The following ACOT11 variants were observed in gnomAD, a reference collection of about 807,000 sequenced individuals.
ACOT11 encodes acyl-coenzyme A thioesterase 11.
In ACOT11, 69 loss-of-function variants were observed where a neutral mutation model predicts 77.5. That is an observed-to-expected ratio of 0.89 (90% confidence interval 0.73 to 1.09). The LOEUF (loss-of-function observed/expected upper bound fraction) is 1.09, where lower values mean the gene tolerates loss of function less well. Ranked by LOEUF, ACOT11 falls within the 50% of genes least tolerant of loss-of-function variation. ACOT11 has a pLI of 0.00. For synonymous variants in ACOT11, 279 were observed against 313.0 expected, an observed-to-expected ratio of 0.89 and a Z score of 1.15; for missense variants, 766 against 813.7, an observed-to-expected ratio of 0.94 and a Z score of 0.71.
Position 54,603,820 on chromosome 1 carries a change from A to G in ACOT11, c.1086-51A>G, listed in dbSNP as rs549475380. The G allele has an allele frequency of 3.6e-5, 56 of 1,562,238 alleles. 1 individual carries two copies. In the South Asian group the frequency reaches 5.7e-4, roughly 16 times the overall value. On this transcript the variant is annotated intron_variant, in intron 10 of 15. Transcript: ENST00000343744. ...AGTAGGCCTGCAGTAGAGTCTGTGG[A>G]AAGTGCTGAACTTCCAGGGGACCAA...
chr1:54,575,022 C>T (rs1654057092), intron 1 of ACOT11, among the ~76,000 whole-genome samples: 1 of 152,204 alleles, frequency 6.6e-6, no homozygotes, highest in Admixed American at 6.5e-5. Flanking sequence ...CAATAACTTG[C>T]CCAAAGTCTG....
chr1:54,607,993 G>C lies in ACOT11; in HGVS notation c.1554G>C (p.Glu518Asp). 3 of 1,613,846 alleles carry C rather than the reference G, an allele frequency of 1.9e-6. No individual in the cohort carries two copies. The highest frequency in any genetic ancestry group is 2.5e-6 in the Non-Finnish European group (3 of 1,179,984). Residue 518 changes from glutamate to aspartate, a missense_variant, in exon 15 of 16, where the codon GAG becomes GAC. Glu to Asp is a conservative substitution (Grantham distance 45). Transcript: ENST00000343744. This position sits in a 1 kb window ranked among gnomAD's most constrained non-coding sequence, Gnocchi z 4.5. ...CGGTCACGCTGCCCACACACCGAGA[G>C]ACGCCAGAGTACAGACGCGGAGAGA... The part of the protein sequence containing the change: ...LRSVTLPTHR[E>D]TPEYRRGETL...
At chr1:54,623,350 AC>A in intron 15 of ACOT11, 3 of 1,613,890 alleles carry the variant, frequency 1.9e-6, no homozygotes, top group Non-Finnish European at 2.5e-6. Flanking sequence ...ATGCCGGCAA[AC>A]ACCCACTTGA....
In ACOT11 at chr1:54,594,581, G is replaced by A. The variant is rs1397882472; in HGVS notation, c.497G>A (p.Arg166Gln). ...GTGAAGCTGAAGCAGATCACGCCGC[G>A]GACAGAAGAGGAGAAGATGGAGCAC... ...TKVKLKQITP[R>Q]TEEEKMEHSV... Residue 166 changes from arginine (R) to glutamine (Q), a missense_variant, in exon 6 of 16, where the codon CGG becomes CAG. Coordinates refer to ENST00000343744, the MANE Select transcript of ACOT11 (RefSeq NM_147161.4). The A allele has an allele frequency of 6.8e-6, 11 of 1,613,868 alleles. No homozygotes were observed. Among genetic ancestry groups the A allele is most frequent in the East Asian group, 2.2e-5 (1 of 44,886 alleles).
At chr1:54,590,088 A>G (rs1391942579) in intron 3 of ACOT11, among the ~76,000 whole-genome samples, 1 of 132,404 alleles carries the variant, frequency 7.6e-6, no homozygotes, top group Non-Finnish European at 1.5e-5. Context: ...ACTCTGTCTC[A>G]AAAAAAAAAA....
chr1:54,564,352 C>A (rs1308866884), intron 1 of ACOT11, among the ~76,000 whole-genome samples: 1 of 152,268 alleles, frequency 6.6e-6, no homozygotes, highest in Admixed American at 6.5e-5. Flanking sequence ...GCTAACAGCA[C>A]CCGGGCTGTG....
chr1:54,612,811 A>G, downstream of ACOT11: 1 of 827,012 alleles, frequency 1.2e-6, no homozygotes, highest in Non-Finnish European at 2.0e-6. Flanking sequence ...AGCCTATTGG[A>G]TCTATGATAA....
intron 9 of ACOT11, among the ~76,000 whole-genome samples, 158 bp from the exon 10 acceptor site, chr1:54,602,511 T>C (rs907268498): frequency 6.6e-6 from 1 of 152,110 alleles, no homozygotes; most frequent in African/African-American, 2.4e-5. Flanking sequence ...TACAGCTTAG[T>C]TTCCCACTTT....
downstream of ACOT11, among the ~76,000 whole-genome samples, chr1:54,615,224 T>C (rs184761623): frequency 8.7e-4 from 132 of 152,076 alleles, no homozygotes; most frequent in African/African-American, 3.1e-3. Flanking sequence ...CCAGAGCCTG[T>C]AGGGAGGTTA....
At chr1:54,573,944 G>A (rs559896546) in intron 1 of ACOT11, among the ~76,000 whole-genome samples, 8 of 151,478 alleles carry the variant, frequency 5.3e-5, no homozygotes, top group South Asian at 2.1e-4. Context: ...CAGGAGAATC[G>A]CTTGAACCCA....
At chr1:54,614,296 A>G (rs954489204), downstream of ACOT11, among the ~76,000 whole-genome samples, 3 of 152,198 alleles carry the variant, frequency 2.0e-5, no homozygotes, top group African/African-American at 7.2e-5. Flanking sequence ...CTAGCAGGCC[A>G]AATCCTGTGC....
chr1:54,569,910 G>A (rs974431511), intron 1 of ACOT11, among the ~76,000 whole-genome samples: 3 of 152,184 alleles, frequency 2.0e-5, no homozygotes, highest in African/African-American at 7.2e-5. Context: ...TAAGCCATTT[G>A]ATCACATGTT....
rs150013127 is a variant in ACOT11 at position 54,629,516 on chromosome 1, G to A, written c.1630-1218G>A. ...TTAGCCAGGGTGGTCTCAATCTCCT[G>A]ACCTCGTGATACGCCTGCCTCAGCC... On this transcript the variant is annotated intron_variant, in intron 15 of 16. Coordinates refer to the ACOT11 transcript ENST00000371316. Among the ~76,000 whole-genome samples the A allele has an allele frequency of 6.5e-3, 873 of 133,466 alleles. 94 individuals carry two copies. The highest frequency in any genetic ancestry group is 0.021 in the African/African-American group (837 of 39,358). The allele number at this position is 133,466 out of a possible 152,430, so 87.6% of individuals were successfully genotyped here.
intron 1 of ACOT11, among the ~76,000 whole-genome samples, chr1:54,549,060 T>C (rs1006172340): frequency 6.6e-6 from 1 of 152,110 alleles, no homozygotes; most frequent in African/African-American, 2.4e-5. Context: ...AAAGCCTTTT[T>C]TTAAAGGGGC....
At chr1:54,587,129 A>G (rs1229839765) in intron 3 of ACOT11, among the ~76,000 whole-genome samples, 3 of 152,190 alleles carry the variant, frequency 2.0e-5, no homozygotes, top group Non-Finnish European at 4.4e-5. Flanking sequence ...TGCAAAGTCC[A>G]CTGGAGCACA....
intron 15 of ACOT11, chr1:54,616,273 CA>C: frequency 9.5e-7 from 1 of 1,056,624 alleles, no homozygotes. Context: ...TTGAGAAATA[CA>C]GAAAAGTGGA....
In ACOT11 at chr1:54,597,161, G is replaced by A. The variant is rs990959212; in HGVS notation, c.608-98G>A. The A allele has an allele frequency of 2.1e-5, 31 of 1,475,204 alleles. No homozygotes were observed. The Admixed American group carries it at 4.3e-4, about 21-fold the overall frequency. 91.4% of individuals were successfully genotyped at this position (1,475,204 alleles called of 1,614,324 possible). A position where few individuals can be genotyped will look rare whatever the true frequency, so the allele number is the denominator to read the frequency against. Reference sequence around the variant, plus strand: ...GAGTAAATAAAAGAACCTGAGTGGGGTAGAGTGGTGGGGGTCCCAGGGCTG... The same window carrying A: ...GAGTAAATAAAAGAACCTGAGTGGGATAGAGTGGTGGGGGTCCCAGGGCTG... On this transcript the variant is annotated intron_variant, in intron 6 of 15. Transcript: ENST00000343744.
intron 9 of ACOT11, among the ~76,000 whole-genome samples, chr1:54,602,294 A>C (rs1295056593): frequency 6.6e-6 from 1 of 152,130 alleles, no homozygotes; most frequent in East Asian, 1.9e-4. Context: ...CCAGCCTCAG[A>C]GGGTTGTTGT....
intron 6 of ACOT11, among the ~76,000 whole-genome samples, chr1:54,596,014 C>T (rs11805592): frequency 0.057 from 8,674 of 152,268 alleles, 523 homozygotes; most frequent in African/African-American, 0.15. Context: ...CTACAGTCAT[C>T]AAGGCCCCTT....
Sources: allele counts gnomAD v4.1 joint callset (sites outside exome capture counted in the v4.1 genomes callset), GRCh38; gene constraint gnomAD v4.1.1; non-coding constraint Gnocchi (gnomAD v3.1); transcripts MANE v1.5; gene names NCBI Gene and HGNC (gene_info 2026-07-23, HGNC 2026-07-21).